TPRKB: variants seen among roughly 807,000 people sequenced by gnomAD.
TPRKB encodes EKC/KEOPS complex subunit TPRKB.
TPRKB carries 11 observed loss-of-function variants against 17.8 expected under a neutral mutation model. The observed-to-expected ratio is 0.62, with a 90% confidence interval of 0.39 to 1.02. The LOEUF (loss-of-function observed/expected upper bound fraction) is 1.02, where lower values mean the gene tolerates loss of function less well. Among genes scored for constraint, TPRKB ranks in the 50% least tolerant of loss-of-function variants. The pLI is 0.00. For synonymous variants in TPRKB, 71 were observed against 69.5 expected (o/e 1.02, Z -0.11); for missense variants, 228 against 198.0 (o/e 1.15, Z -0.91).
rs757646841 is a variant in TPRKB at position 73,734,495 on chromosome 2, A to G, written c.75T>C (p.Asn25=). 3.7e-6 allele frequency: 6 copies of G among 1,614,052 alleles called. No homozygotes were observed. Among genetic ancestry groups the G allele is most frequent in the Non-Finnish European group, 5.1e-6 (6 of 1,179,990 alleles). Residue 25 remains asparagine (N), a synonymous_variant, in exon 2 of 5, where the codon AAT becomes AAC. Transcript: ENST00000272424. ...VTLLLFKDVK[N]AGDLRRKAME... is the part of the protein sequence containing the mutation. ...TGGCCTTTCTTCTCAAGTCTCCCGC[A>G]TTTTTTACATCTTTAAATAACAGAA...
In TPRKB at chr2:73,729,898, A is replaced by G. The variant is rs377427709; in HGVS notation, c.*45T>C. On this transcript the variant is annotated 3_prime_UTR_variant, in exon 5 of 5. Coordinates refer to ENST00000272424, the MANE Select transcript of TPRKB (RefSeq NM_016058.5). ...TTTTATAGTCAGGAAAGGAAAATCA[A>G]TGTTTTCTTTAATGCTGAGAATTTT... is the stretch of plus-strand genomic sequence containing the variant. 4.2e-5 allele frequency: 61 copies of G among 1,464,956 alleles called. No homozygotes were observed. The highest frequency in any genetic ancestry group is 3.2e-4 in the African/African-American group (23 of 70,794). 90.7% of individuals were successfully genotyped at this position (1,464,956 alleles called of 1,614,324 possible).
intron 4 of TPRKB, 122 bp from the exon 5 acceptor site, chr2:73,730,151 A>G (rs1351202981): frequency 2.4e-5 from 28 of 1,150,464 alleles, no homozygotes; most frequent in Admixed American, 3.6e-5. Flanking sequence ...GGTATAACAA[A>G]CAACAAATGT....
At chr2:73,732,099 C>G (rs1205128926) in intron 3 of TPRKB, 64 bp downstream of exon 3, 2 of 1,558,468 alleles carry the variant, frequency 1.3e-6, no homozygotes, top group Non-Finnish European at 1.7e-6. Context: ...AGCCTCCAAC[C>G]CAACACTGAG....
Position 73,730,568 on chromosome 2 carries a change from CTTCTG to C in TPRKB, c.428_432del (p.Thr143SerfsTer6). 1 of 1,583,292 alleles carries C rather than the reference CTTCTG, an allele frequency of 6.3e-7. No individual in the cohort carries two copies. The highest frequency in any genetic ancestry group is 8.5e-7 in the Non-Finnish European group (1 of 1,170,402). Reference sequence around the variant, plus strand: ...AATATGGACTGGCAAACCTTTTTGACTTCTGTAATATTCATTATTTCAGGAAGATT... The same window carrying C: ...AATATGGACTGGCAAACCTTTTTGACTAATATTCATTATTTCAGGAAGATT... On this transcript the variant is annotated frameshift_variant, in exon 4 of 5. Coordinates refer to ENST00000272424, the MANE Select transcript of TPRKB (RefSeq NM_016058.5). LOFTEE classifies it high-confidence loss of function.
At chr2:73,734,670 A>ACTT in intron 1 of TPRKB, 79 bp from the exon 2 acceptor site, 1 of 1,278,742 alleles carries the variant, frequency 7.8e-7, no homozygotes. Flanking sequence ...ATATTCAAAA[A>ACTT]CTTTGAAAGT....
chr2:73,730,656 T>C lies in TPRKB; in HGVS notation c.345A>G (p.Lys115=), dbSNP rs1254446450. Residue 115 remains lysine (K), a synonymous_variant, in exon 4 of 5, where the codon AAA becomes AAG. Coordinates refer to ENST00000272424, the MANE Select transcript of TPRKB (RefSeq NM_016058.5). ...ILIVYIEEGE[K]QINQEYLISQ... ...ATATTAGGTATTCTTGATTTATTTGTTTTTCTCCCTCTTCAATGTAAACAA... is the reference window on the plus strand; with the variant it reads ...ATATTAGGTATTCTTGATTTATTTGCTTTTCTCCCTCTTCAATGTAAACAA... 1 of 1,591,698 alleles carries C rather than the reference T, an allele frequency of 6.3e-7. No homozygotes were observed. Among genetic ancestry groups the C allele is most frequent in the Non-Finnish European group, 8.5e-7 (1 of 1,172,890 alleles).
In TPRKB at chr2:73,734,512, ATAACAGAAGGGT is replaced by A; in HGVS notation, c.46_57del (p.Thr16_Leu19del). ...TCTCCCGCATTTTTTACATCTTTAA[ATAACAGAAGGGT>A]TACCCTGCATTCGGGAAATAGGTCC... On this transcript the variant is annotated inframe_deletion, in exon 2 of 5. Coordinates refer to ENST00000272424, the MANE Select transcript of TPRKB (RefSeq NM_016058.5). 1 of 1,614,152 alleles carries A rather than the reference ATAACAGAAGGGT, an allele frequency of 6.2e-7. No homozygotes were observed.
chr2:73,737,103 C>G (rs904766324), intron 1 of TPRKB, among the ~76,000 whole-genome samples, 199 bp downstream of exon 1: 22 of 152,200 alleles, frequency 1.4e-4, no homozygotes, highest in African/African-American at 5.3e-4. Flanking sequence ...AATCCTGCGC[C>G]TATCCGCTGC....
chr2:73,735,204 T>C lies in TPRKB; in HGVS notation c.-22-613A>G, dbSNP rs866521615. ...AAAATTAGCCAGGCATGGTGGCGCATGCCTGTAATCCCAGCTACTCAGGAG... is the reference window on the plus strand; with the variant it reads ...AAAATTAGCCAGGCATGGTGGCGCACGCCTGTAATCCCAGCTACTCAGGAG... On this transcript the variant is annotated intron_variant, in intron 1 of 4. Coordinates refer to ENST00000272424, the MANE Select transcript of TPRKB (RefSeq NM_016058.5). 4.6e-5 allele frequency among the ~76,000 whole-genome samples: 7 copies of C among 152,084 alleles called. 1 individual carries two copies. The highest frequency in any genetic ancestry group is 6.8e-3 in the Middle Eastern group (2 of 294).
chr2:73,734,502 A>ACAT lies in TPRKB; in HGVS notation c.65_67dup (p.Asp22dup), dbSNP rs1452911738. On this transcript the variant is annotated inframe_insertion, in exon 2 of 5. Coordinates refer to ENST00000272424, the MANE Select transcript of TPRKB (RefSeq NM_016058.5). ...TCTTCTCAAGTCTCCCGCATTTTTT[A>ACAT]CATCTTTAAATAACAGAAGGGTTAC... The ACAT allele has an allele frequency of 6.2e-7, 1 of 1,614,068 alleles. No individual in the cohort carries two copies. The highest frequency in any genetic ancestry group is 2.2e-5 in the East Asian group (1 of 44,888).
intron 3 of TPRKB, 190 bp downstream of exon 3, chr2:73,731,973 T>C (rs1025193600): frequency 4.0e-6 from 2 of 504,416 alleles, no homozygotes; most frequent in Non-Finnish European, 6.7e-6. Flanking sequence ...GCTAAATTTT[T>C]GTTTACTCAT....
chr2:73,733,619 T>G lies in TPRKB; in HGVS notation c.141+810A>C, dbSNP rs551192987. Among the ~76,000 whole-genome samples, 13 of 152,208 alleles carry G rather than the reference T, an allele frequency of 8.5e-5. 1 individual carries two copies. Among genetic ancestry groups the G allele is most frequent in the African/African-American group, 3.1e-4 (13 of 41,536 alleles). On this transcript the variant is annotated intron_variant, in intron 2 of 4. Coordinates refer to ENST00000272424, the MANE Select transcript of TPRKB (RefSeq NM_016058.5). ...GCTGGAGATCCAGGCATTTCCCATA[T>G]TAGACCCAGACCACAACCTTTCCTA...
chr2:73,731,310 T>C (rs1206204308), intron 3 of TPRKB, among the ~76,000 whole-genome samples: 1 of 152,214 alleles, frequency 6.6e-6, no homozygotes, highest in Non-Finnish European at 1.5e-5. Flanking sequence ...CTGCCTCTCC[T>C]CAGGAACATA....
At position 73,730,729 on chromosome 2, in the gene TPRKB, T is replaced by G; in HGVS notation, c.272A>C (p.Glu91Ala). 1 of 1,511,878 alleles carries G rather than the reference T, an allele frequency of 6.6e-7. No homozygotes were observed. The highest frequency in any genetic ancestry group is 1.3e-5 in the South Asian group (1 of 76,450). 93.7% of individuals were successfully genotyped at this position (1,511,878 alleles called of 1,614,324 possible). ...TGAGATACCAAATTTTTTCAAAGCC[T>G]CTGAAATCTAAGAGAAAAAAAATGA... The part of the protein sequence containing the change: ...FNLSPNNNIS[E>A]ALKKFGISAN... The change falls in exon 4 of 5, where the codon GAG becomes GCG. Residue 91 changes from glutamate to alanine, a missense_variant. Coordinates refer to ENST00000272424, the MANE Select transcript of TPRKB (RefSeq NM_016058.5).
At position 73,730,727 on chromosome 2, in the gene TPRKB, C is replaced by T. The variant is rs148515124; in HGVS notation, c.274G>A (p.Ala92Thr). 1.4e-5 allele frequency: 21 copies of T among 1,512,722 alleles called. No individual in the cohort carries two copies. The African/African-American group carries it at 1.9e-4, about 14-fold the overall frequency. The allele number at this position is 1,512,722 out of a possible 1,614,324, so 93.7% of individuals were successfully genotyped here. A position where few individuals can be genotyped will look rare whatever the true frequency, so the allele number is the denominator to read the frequency against. The stretch of plus-strand genomic sequence containing the variant: ...GCTGAGATACCAAATTTTTTCAAAG[C>T]CTCTGAAATCTAAGAGAAAAAAAAT... Reference protein sequence around the residue: ...NLSPNNNISEALKKFGISAND... With the variant: ...NLSPNNNISETLKKFGISAND... The change falls in exon 4 of 5, where the codon GCT becomes ACT. Residue 92 changes from alanine to threonine, a missense_variant. By Grantham distance (58) the Ala-to-Thr change is moderately conservative. Transcript: ENST00000272424.
At position 73,734,247 on chromosome 2, in the gene TPRKB, C is replaced by T. The variant is rs541674756; in HGVS notation, c.141+182G>A. Reference sequence around the variant, plus strand: ...CCGAGTAGCTGGGATTATAGGCGCCCGCCACCACGCCCAGCTAATTTTTGT... The same window carrying T: ...CCGAGTAGCTGGGATTATAGGCGCCTGCCACCACGCCCAGCTAATTTTTGT... On this transcript the variant is annotated intron_variant, in intron 2 of 4. Coordinates refer to ENST00000272424, the MANE Select transcript of TPRKB (RefSeq NM_016058.5). Among the ~76,000 whole-genome samples, 69 of 151,924 alleles carry T rather than the reference C, an allele frequency of 4.5e-4. No homozygotes were observed. In the East Asian group the frequency reaches 5.2e-3, roughly 11 times the overall value.
At position 73,734,466 on chromosome 2, in the gene TPRKB, T is replaced by C. The variant is rs1671784068; in HGVS notation, c.104A>G (p.Glu35Gly). 1 of 1,613,908 alleles carries C rather than the reference T, an allele frequency of 6.2e-7. No homozygotes were observed. Among genetic ancestry groups the C allele is most frequent in the Non-Finnish European group, 8.5e-7 (1 of 1,179,980 alleles). Reference protein sequence around the residue: ...NAGDLRRKAMEGTIDGSLINP... With the variant: ...NAGDLRRKAMGGTIDGSLINP... ...TATCAGTGATCCATCGATGGTGCCT[T>C]CCATGGCCTTTCTTCTCAAGTCTCC... The change falls in exon 2 of 5, where the codon GAA (glutamate) becomes GGA (glycine). Residue 35 changes from glutamate (E) to glycine (G), a missense_variant. By Grantham distance (98) the Glu-to-Gly change is moderately conservative. Coordinates refer to ENST00000272424, the MANE Select transcript of TPRKB (RefSeq NM_016058.5).
At position 73,732,155 on chromosome 2, in the gene TPRKB, C is replaced by T. The variant is rs1176741875; in HGVS notation, c.264+8G>A. 3.1e-6 allele frequency: 5 copies of T among 1,611,738 alleles called. No individual in the cohort carries two copies. The highest frequency in any genetic ancestry group is 4.2e-6 in the Non-Finnish European group (5 of 1,179,100). On this transcript the variant is annotated splice_region_variant and intron_variant, in intron 3 of 4. Coordinates refer to ENST00000272424, the MANE Select transcript of TPRKB (RefSeq NM_016058.5). ...CACGGTCAACAGAAATAGGAAAGTG[C>T]ACATTACATTGTTATTTGGGGAAAG...
rs1369104041 is a variant in TPRKB, at chr2:73,730,019, A to AGTT, written c.449_451dup (p.Lys150_Leu151insGln). 1 of 1,567,210 alleles carries AGTT rather than the reference A, an allele frequency of 6.4e-7. No homozygotes were observed. Among genetic ancestry groups the AGTT allele is most frequent in the Non-Finnish European group, 8.7e-7 (1 of 1,154,786 alleles). The stretch of plus-strand genomic sequence containing the variant: ...CCCAATACTTTCTTCTTGTGAAGAG[A>AGTT]GTTTATATATCTGTAAAAATGAAAG... On this transcript the variant is annotated inframe_insertion, in exon 5 of 5. Coordinates refer to ENST00000272424, the MANE Select transcript of TPRKB (RefSeq NM_016058.5).
Sources: allele counts gnomAD v4.1 joint callset (sites outside exome capture counted in the v4.1 genomes callset), GRCh38; gene constraint gnomAD v4.1.1; transcripts MANE v1.5; gene names NCBI Gene and HGNC (gene_info 2026-07-23, HGNC 2026-07-21).